The following LPAR1 variants were observed in gnomAD, a reference collection of about 807,000 sequenced individuals.
The protein encoded by LPAR1 is lysophosphatidic acid receptor 1.
In LPAR1, 5 loss-of-function variants were observed where a neutral mutation model predicts 23.8. The ratio of observed to expected loss-of-function variants is 0.21; its 90% CI spans 0.11 to 0.44. LPAR1 has a LOEUF of 0.44. LPAR1 is among the 20% of genes least tolerant of loss of function. The pLI is 0.99. For missense variants in LPAR1, 311 were observed against 482.8 expected (o/e 0.64, Z 3.33); for synonymous variants, 160 against 164.7 (o/e 0.97, Z 0.22).
intron 5 of LPAR1, among the ~76,000 whole-genome samples, chr9:110,919,982 A>G (rs990599505): frequency 6.6e-6 from 1 of 152,192 alleles, no homozygotes; most frequent in African/African-American, 2.4e-5. Flanking sequence ...AAAATCACCA[A>G]ATGAGCACAG....
At chr9:110,894,426 G>A (rs1037362088) in intron 5 of LPAR1, among the ~76,000 whole-genome samples, 1 of 152,216 alleles carries the variant, frequency 6.6e-6, no homozygotes, top group Non-Finnish European at 1.5e-5. Context: ...ATGAGACACT[G>A]CAAATGGAAT....
At chr9:110,924,960 A>G (rs1444316369) in intron 5 of LPAR1, among the ~76,000 whole-genome samples, 29 of 152,132 alleles carry the variant, frequency 1.9e-4, no homozygotes, top group Admixed American at 1.8e-3. Context: ...GACTATAGGC[A>G]TTGGCATGTC....
chr9:110,968,392 C>T (rs1019188373), intron 4 of LPAR1, among the ~76,000 whole-genome samples: 1 of 152,124 alleles, frequency 6.6e-6, no homozygotes, highest in Non-Finnish European at 1.5e-5. Context: ...CACTGTAGTG[C>T]AACCATCCAA....
At chr9:110,962,928 A>G (rs2096058917) in intron 4 of LPAR1, among the ~76,000 whole-genome samples, 1 of 152,240 alleles carries the variant, frequency 6.6e-6, no homozygotes, top group Non-Finnish European at 1.5e-5. Context: ...TCAGGTGGAA[A>G]AAAACAGCAG....
intron 5 of LPAR1, among the ~76,000 whole-genome samples, chr9:110,914,410 C>G (rs2092821208): frequency 6.6e-6 from 1 of 152,180 alleles, no homozygotes. Flanking sequence ...GGGTTTCCCC[C>G]TGTAAAACCA....
At chr9:110,920,706 C>T (rs529476044) in intron 5 of LPAR1, among the ~76,000 whole-genome samples, 1 of 152,194 alleles carries the variant, frequency 6.6e-6, no homozygotes, top group Non-Finnish European at 1.5e-5. Flanking sequence ...CAGTAATTCA[C>T]GTCATCTCTC....
At chr9:111,033,020 A>T (rs1564395263) in intron 2 of LPAR1, among the ~76,000 whole-genome samples, 2 of 152,226 alleles carry the variant, frequency 1.3e-5, no homozygotes, top group South Asian at 4.1e-4. Context: ...TTGTTTTAGC[A>T]CTGGACTAAA....
chr9:110,989,049 G>A (rs2096846084), intron 2 of LPAR1, among the ~76,000 whole-genome samples: 1 of 152,106 alleles, frequency 6.6e-6, no homozygotes, highest in Non-Finnish European at 1.5e-5. Flanking sequence ...AAATCTATAA[G>A]CCTGTTTACA....
intron 2 of LPAR1, among the ~76,000 whole-genome samples, chr9:110,983,576 C>T (rs72750197): frequency 0.045 from 6,886 of 151,920 alleles, 232 homozygotes; most frequent in Non-Finnish European, 0.059. Context: ...AGATTGGTTG[C>T]ACAACAGTCT....
intron 2 of LPAR1, among the ~76,000 whole-genome samples, chr9:110,991,271 A>AC (rs1322756430): frequency 2.0e-5 from 3 of 152,136 alleles, no homozygotes; most frequent in Non-Finnish European, 4.4e-5. Context: ...AAAGCCCCTG[A>AC]CTCTGTGACA....
At chr9:110,948,030 C>A (rs981826332) in intron 4 of LPAR1, among the ~76,000 whole-genome samples, 5 of 152,174 alleles carry the variant, frequency 3.3e-5, no homozygotes, top group Non-Finnish European at 7.4e-5. Context: ...CTTTCTGATT[C>A]TCATTTTCAA....
intron 2 of LPAR1, among the ~76,000 whole-genome samples, chr9:110,991,794 T>C (rs2096900532): frequency 6.6e-6 from 1 of 152,104 alleles, no homozygotes; most frequent in South Asian, 2.1e-4. Flanking sequence ...GGTTTCTCCA[T>C]GTTGGTCAGG....
chr9:111,034,167 C>T (rs553708846), intron 2 of LPAR1, among the ~76,000 whole-genome samples: 2 of 152,324 alleles, frequency 1.3e-5, no homozygotes, highest in African/African-American at 4.8e-5. Context: ...CACTGCAGTA[C>T]CGAGTGTGCT....
chr9:110,949,732 C>G (rs541099771), intron 4 of LPAR1, among the ~76,000 whole-genome samples: 2 of 152,228 alleles, frequency 1.3e-5, no homozygotes, highest in South Asian at 4.1e-4. Context: ...ATGAGAGTTT[C>G]TAAATAAAAT....
At chr9:111,029,888 C>A (rs1207230387) in intron 2 of LPAR1, among the ~76,000 whole-genome samples, 2 of 151,264 alleles carry the variant, frequency 1.3e-5, no homozygotes, top group African/African-American at 4.9e-5. Context: ...CCATCTCTAC[C>A]AAAAAATACA....
chr9:110,915,065 G>A (rs1400213699), intron 5 of LPAR1, among the ~76,000 whole-genome samples: 2 of 152,126 alleles, frequency 1.3e-5, no homozygotes, highest in African/African-American at 2.4e-5. Context: ...TTAAGATGCA[G>A]ACATTGTCCT....
chr9:110,934,312 C>G (rs1295472068), intron 5 of LPAR1: 1 of 152,240 alleles, frequency 6.6e-6, no homozygotes, highest in Non-Finnish European at 1.5e-5. Context: ...AGTAAAGCCC[C>G]CAGATTCATC....
chr9:110,976,525 A>G (rs575952235), intron 2 of LPAR1, among the ~76,000 whole-genome samples: 1 of 152,072 alleles, frequency 6.6e-6, no homozygotes, highest in African/African-American at 2.4e-5. Context: ...GAACTCTTCC[A>G]AGTACTTGGA....
At chr9:110,919,710 C>T (rs2093477632) in intron 5 of LPAR1, among the ~76,000 whole-genome samples, 1 of 152,168 alleles carries the variant, frequency 6.6e-6, no homozygotes, top group African/African-American at 2.4e-5. Flanking sequence ...CAGCTGTCAC[C>T]ATATCCAAAA....
Sources: gnomAD v4.1 joint callset for allele counts (sites outside exome capture counted in the v4.1 genomes callset) on GRCh38, gnomAD v4.1.1 for gene constraint, MANE v1.5 for transcripts, NCBI Gene and HGNC (gene_info 2026-07-23, HGNC 2026-07-21) for gene names.